Variants in GDI2 observed in about 807,000 individuals in gnomAD.
GDI2 encodes the protein GDP dissociation inhibitor 2.
Under a neutral mutation model 54.2 loss-of-function variants are expected in GDI2, and 22 were observed. That is an observed-to-expected ratio of 0.41 (90% CI 0.29 to 0.58). The LOEUF (loss-of-function observed/expected upper bound fraction) is 0.58. Among genes scored for constraint, GDI2 ranks in the 20% least tolerant of loss-of-function variants. The pLI is 0.35. For synonymous variants in GDI2, 177 were observed against 182.1 expected, an observed-to-expected ratio of 0.97 and a Z score of 0.23; for missense variants, 422 against 546.0, an observed-to-expected ratio of 0.77 and a Z score of 2.26.
rs767181580 is a variant in GDI2 at position 5,813,259 on chromosome 10, G to T, written c.-1C>A. 6.3e-7 allele frequency: 1 copy of T among 1,575,570 alleles called. No individual in the cohort carries two copies. The highest frequency in any genetic ancestry group is 1.2e-5 in the South Asian group (1 of 86,520). On this transcript the variant is annotated 5_prime_UTR_variant, in exon 1 of 11. Transcript: ENST00000380191. ...CGATCACGTCGTACTCCTCATTCAT[G>T]GCGGGGCAGGCGCGGACGCAGGACC...
chr10:5,779,344 C>T (rs1344383866), intron 6 of GDI2, among the ~76,000 whole-genome samples: 3 of 151,732 alleles, frequency 2.0e-5, no homozygotes, highest in Non-Finnish European at 2.9e-5. Context: ...CCCATCTCTA[C>T]TAAAAATACA....
intron 1 of GDI2, among the ~76,000 whole-genome samples, chr10:5,804,441 C>A (rs1841333134): frequency 6.6e-6 from 1 of 152,122 alleles, no homozygotes; most frequent in Non-Finnish European, 1.5e-5. Context: ...CTGAGCACTC[C>A]AGAAGGCCCT....
chr10:5,795,444 T>G (rs965977558), intron 3 of GDI2, among the ~76,000 whole-genome samples: 12 of 152,176 alleles, frequency 7.9e-5, no homozygotes, highest in Non-Finnish European at 2.9e-5. Flanking sequence ...AAAGCTGTAT[T>G]TTAAATAGGA....
At chr10:5,785,407 C>A (rs1010671228) in intron 5 of GDI2, 134 bp from the exon 6 acceptor site, 7 of 661,648 alleles carry the variant, frequency 1.1e-5, no homozygotes, top group Non-Finnish European at 1.8e-5. Context: ...CAGGGTCTCA[C>A]TCTGTCGCCC....
chr10:5,808,715 A>C (rs1293513907), intron 1 of GDI2, among the ~76,000 whole-genome samples: 3 of 71,998 alleles, frequency 4.2e-5, no homozygotes, highest in African/African-American at 8.0e-5. Flanking sequence ...AAAAAAAAAA[A>C]AAACTACAAA....
chr10:5,809,806 T>C (rs1190998088), intron 1 of GDI2, among the ~76,000 whole-genome samples: 1 of 152,226 alleles, frequency 6.6e-6, no homozygotes, highest in African/African-American at 2.4e-5. Context: ...GTATCACGCA[T>C]GTGAACATCT....
At chr10:5,799,035 T>G (rs1841207692) in intron 2 of GDI2, among the ~76,000 whole-genome samples, 1 of 151,504 alleles carries the variant, frequency 6.6e-6, no homozygotes, top group Non-Finnish European at 1.5e-5. Context: ...GTGAGGAGAT[T>G]TGTAGATTAA....
chr10:5,813,192 G>C, intron 1 of GDI2, 22 bp downstream of exon 1: 1 of 1,517,906 alleles, frequency 6.6e-7, no homozygotes, highest in African/African-American at 1.4e-5. Context: ...CTCAGCCCCG[G>C]CCCCTCAGCC....
chr10:5,770,588 T>C (rs867742576), intron 7 of GDI2, among the ~76,000 whole-genome samples: 23 of 151,446 alleles, frequency 1.5e-4, no homozygotes, highest in South Asian at 6.3e-4. Context: ...AAAAGTGTTA[T>C]GGAGATGAAT....
intron 1 of GDI2, among the ~76,000 whole-genome samples, chr10:5,800,929 A>G (rs1841256186): frequency 1.3e-5 from 2 of 152,036 alleles, no homozygotes; most frequent in Admixed American, 1.3e-4. Flanking sequence ...ACACTAAGAC[A>G]TTAGTCACCT....
At chr10:5,794,182 AAAAAAAATATAT>A (rs1284281781) in intron 4 of GDI2, among the ~76,000 whole-genome samples, 1 of 54,392 alleles carries the variant, frequency 1.8e-5, no homozygotes, top group South Asian at 8.8e-4. Flanking sequence ...GAAAAAAAAA[AAAAAAAATATAT>A]ATATATATAT....
At position 5,766,304 on chromosome 10, in the gene GDI2, A is replaced by G. The variant is rs770444318; in HGVS notation, c.1137-9T>C. The G allele has an allele frequency of 6.8e-6, 11 of 1,610,418 alleles. No individual in the cohort carries two copies. Among genetic ancestry groups the G allele is most frequent in the South Asian group, 2.2e-5 (2 of 90,996 alleles). Reference sequence around the variant, plus strand: ...CACTGATGCTAACAAATCTGGAGGGAGAGAGAATTCAGTCAGGTGAGCTGG... The same window carrying G: ...CACTGATGCTAACAAATCTGGAGGGGGAGAGAATTCAGTCAGGTGAGCTGG... On this transcript the variant is annotated splice_polypyrimidine_tract_variant and intron_variant, in intron 9 of 10. Transcript: ENST00000380191. The surrounding 1 kb of genome is among the most constrained non-coding windows in gnomAD (Gnocchi z 5.8).
chr10:5,792,265 GC>G (rs1017966504), intron 4 of GDI2, among the ~76,000 whole-genome samples: 3 of 152,082 alleles, frequency 2.0e-5, no homozygotes, highest in Non-Finnish European at 4.4e-5. Flanking sequence ...TTATACCTCA[GC>G]TTTCCCATCT....
chr10:5,766,895 A>T lies in GDI2; in HGVS notation c.992-257T>A, dbSNP rs2031555346. The stretch of plus-strand genomic sequence containing the variant: ...GCTGAAGTTTGGAATGAGATCTCTT[A>T]ACAGCTCTGTCATACCTAACTAAAA... On this transcript the variant is annotated intron_variant, in intron 8 of 10. Coordinates refer to ENST00000380191, the MANE Select transcript of GDI2 (RefSeq NM_001494.4). The surrounding 1 kb of genome is among the most constrained non-coding windows in gnomAD (Gnocchi z 5.8). 6.6e-6 allele frequency among the ~76,000 whole-genome samples: 1 copy of T among 152,212 alleles called. No individual in the cohort carries two copies. The highest frequency in any genetic ancestry group is 2.4e-5 in the African/African-American group (1 of 41,448).
chr10:5,772,317 T>A (rs1490201088), intron 7 of GDI2, among the ~76,000 whole-genome samples: 1 of 152,212 alleles, frequency 6.6e-6, no homozygotes, highest in Non-Finnish European at 1.5e-5. Flanking sequence ...CAAAACCTAG[T>A]AATGTACATG....
intron 2 of GDI2, among the ~76,000 whole-genome samples, chr10:5,799,906 A>G (rs763756130): frequency 7.9e-5 from 12 of 152,210 alleles, no homozygotes; most frequent in Non-Finnish European, 2.9e-5. Context: ...GCAAACTTTA[A>G]CTGCTGAACT....
intron 1 of GDI2, among the ~76,000 whole-genome samples, chr10:5,810,591 G>A (rs1841463987): frequency 6.6e-6 from 1 of 152,204 alleles, no homozygotes; most frequent in Non-Finnish European, 1.5e-5. Flanking sequence ...GGGTCTTCAT[G>A]GCTTCACCAT....
In GDI2 at chr10:5,782,304, T is replaced by C. The variant is rs185214005; in HGVS notation, c.719+2838A>G. Among the ~76,000 whole-genome samples, 9 of 152,252 alleles carry C rather than the reference T, an allele frequency of 5.9e-5. No individual in the cohort carries two copies. In the East Asian group the frequency reaches 1.7e-3, roughly 29 times the overall value. On this transcript the variant is annotated intron_variant, in intron 6 of 10. Coordinates refer to ENST00000380191, the MANE Select transcript of GDI2 (RefSeq NM_001494.4). Reference sequence around the variant, plus strand: ...TCACACCCACTTGGGCAATTAAAATTAAAAACTTACAATACTAAATGTTGA... The same window carrying C: ...TCACACCCACTTGGGCAATTAAAATCAAAAACTTACAATACTAAATGTTGA...
intron 6 of GDI2, among the ~76,000 whole-genome samples, chr10:5,782,009 T>A (rs1840768995): frequency 6.6e-6 from 1 of 151,856 alleles, no homozygotes; most frequent in Non-Finnish European, 1.5e-5. Context: ...CAAGACTCTA[T>A]CTCAAAAAAA....
Sources: allele counts gnomAD v4.1 joint callset (sites outside exome capture counted in the v4.1 genomes callset), GRCh38; gene constraint gnomAD v4.1.1; non-coding constraint Gnocchi (gnomAD v3.1); transcripts MANE v1.5; gene names NCBI Gene and HGNC (gene_info 2026-07-23, HGNC 2026-07-21).